Variants in CABIN1 observed in about 807,000 individuals in gnomAD.
CABIN1 encodes calcineurin binding protein 1.
In CABIN1, 133 loss-of-function variants were observed where a neutral mutation model predicts 227.7. The ratio of observed to expected loss-of-function variants is 0.58; its 90% CI spans 0.51 to 0.67. The LOEUF (loss-of-function observed/expected upper bound fraction) is 0.67. Ranked by LOEUF, CABIN1 falls within the 30% of genes least tolerant of loss-of-function variation. The pLI is 0.00. For missense variants in CABIN1, 2,408 were observed against 2,852.5 expected, an observed-to-expected ratio of 0.84 and a Z score of 3.55; for synonymous variants, 1,086 against 1,155.1, an observed-to-expected ratio of 0.94 and a Z score of 1.21.
chr22:24,120,106 C>T (rs2043316856), intron 28 of CABIN1, among the ~76,000 whole-genome samples: 1 of 152,196 alleles, frequency 6.6e-6, no homozygotes, highest in Non-Finnish European at 1.5e-5. Context: ...CCCTAGGGGC[C>T]CTGCTTACTC....
rs557348939 is a variant in CABIN1 at position 24,140,061 on chromosome 22, C to T, written c.4746+5646C>T. 2.0e-5 allele frequency among the ~76,000 whole-genome samples: 3 copies of T among 152,296 alleles called. No homozygotes were observed. The South Asian group carries it at 6.2e-4, about 32-fold the overall frequency. Reference sequence around the variant, plus strand: ...CCATGCAGGGTGGGGTGCTGCTCAGCCAGAAAGGGGGCAGGAGAGGAAGGC... The same window carrying T: ...CCATGCAGGGTGGGGTGCTGCTCAGTCAGAAAGGGGGCAGGAGAGGAAGGC... On this transcript the variant is annotated intron_variant, in intron 29 of 36. Coordinates refer to ENST00000263119, the MANE Select transcript of CABIN1 (RefSeq NM_012295.4).
chr22:24,087,771 C>T lies in CABIN1; in HGVS notation c.3525+58C>T, dbSNP rs1158068599. On this transcript the variant is annotated intron_variant, in intron 23 of 36. Transcript: ENST00000263119. ...TCCTTCTGTCCAGACAGAGTGCCCTCAGGTCAACGAAGCTCTGTCTCATTC... is the reference window on the plus strand; with the variant it reads ...TCCTTCTGTCCAGACAGAGTGCCCTTAGGTCAACGAAGCTCTGTCTCATTC... 5.0e-6 allele frequency: 8 copies of T among 1,601,896 alleles called. No individual in the cohort carries two copies. In the African/African-American group the frequency reaches 6.7e-5, roughly 13 times the overall value.
rs201376301 is a variant in CABIN1, at chr22:24,055,117, C to T, written c.1051C>T (p.Pro351Ser). Residue 351 changes from proline to serine, a missense_variant, in exon 9 of 37, where the codon CCA (proline) becomes TCA (serine). Coordinates refer to ENST00000263119, the MANE Select transcript of CABIN1 (RefSeq NM_012295.4). Reference sequence around the variant, plus strand: ...CACCTCTGTGGCTACAACCAGCTTCCCACTGCACAGTCCTGGTCTGTTGGA... The same window carrying T: ...CACCTCTGTGGCTACAACCAGCTTCTCACTGCACAGTCCTGGTCTGTTGGA... ...SYTSVATTSF[P>S]LHSPGLLETG... The T allele has an allele frequency of 4.3e-6, 7 of 1,613,882 alleles. No individual in the cohort carries two copies. In the East Asian group the frequency reaches 1.6e-4, roughly 36 times the overall value.
At position 24,119,454 on chromosome 22, in the gene CABIN1, C is replaced by T; in HGVS notation, c.4388C>T (p.Ser1463Phe). ...AAGCCTGCTGCAGAAACCCCAGCCT[C>T]TGCTTGCATCCCTGGCAAGCCCTCA... is the stretch of plus-strand genomic sequence containing the variant. The part of the protein sequence containing the change: ...VQKPAAETPA[S>F]ACIPGKPSAS... The change falls in exon 28 of 37, where the codon TCT (serine) becomes TTT (phenylalanine). Residue 1463 changes from serine to phenylalanine, a missense_variant. Ser to Phe is a radical substitution (Grantham distance 155). Around this residue, in one of 3 missense-constraint regions of CABIN1, gnomAD observed 649 missense variants for 910.3 expected, o/e 0.71. Coordinates refer to ENST00000263119, the MANE Select transcript of CABIN1 (RefSeq NM_012295.4). 1 of 1,614,178 alleles carries T rather than the reference C, an allele frequency of 6.2e-7. No individual in the cohort carries two copies. The highest frequency in any genetic ancestry group is 8.5e-7 in the Non-Finnish European group (1 of 1,180,036).
intron 29 of CABIN1, chr22:24,162,226 C>T (rs552440772): frequency 2.0e-5 from 3 of 152,430 alleles, no homozygotes; most frequent in Non-Finnish European, 4.4e-5. Flanking sequence ...GTATGTCCAT[C>T]TGCACACCGC....
At chr22:24,070,172 C>G (rs1338480444) in intron 16 of CABIN1, among the ~76,000 whole-genome samples, 1 of 152,166 alleles carries the variant, frequency 6.6e-6, no homozygotes, top group East Asian at 1.9e-4. Context: ...TTCCATGTGC[C>G]AGGCACTGTG....
chr22:24,091,852 A>C lies in CABIN1; in HGVS notation c.3786+9A>C, dbSNP rs746314612. On this transcript the variant is annotated intron_variant, in intron 24 of 36. Coordinates refer to ENST00000263119, the MANE Select transcript of CABIN1 (RefSeq NM_012295.4). ...CCATGGAGGCCCTGGAGGTGACACC[A>C]TGCTGGCCCAGGGCGGGGAAGCAGG... 3 of 1,612,234 alleles carry C rather than the reference A, an allele frequency of 1.9e-6. No individual in the cohort carries two copies. The East Asian group carries it at 6.7e-5, about 36-fold the overall frequency.
At chr22:24,168,332 G>C in intron 32 of CABIN1, 115 bp from the exon 33 acceptor site, 1 of 1,020,410 alleles carries the variant, frequency 9.8e-7, no homozygotes, top group African/African-American at 1.6e-5. Context: ...GGGGGCACCC[G>C]AGCCACAGGG....
At chr22:24,048,718 T>C (rs1057258998) in intron 6 of CABIN1, among the ~76,000 whole-genome samples, 2 of 152,218 alleles carry the variant, frequency 1.3e-5, no homozygotes, top group African/African-American at 4.8e-5. Flanking sequence ...TGTGCCTGGC[T>C]ATTTCCAGAT....
intron 10 of CABIN1, among the ~76,000 whole-genome samples, chr22:24,058,397 G>T (rs1446622119): frequency 6.6e-6 from 1 of 152,226 alleles, no homozygotes; most frequent in African/African-American, 2.4e-5. Context: ...CTGGGAGTGT[G>T]TGCAATACGT....
intron 29 of CABIN1, among the ~76,000 whole-genome samples, chr22:24,150,876 C>T (rs1469371906): frequency 1.3e-5 from 2 of 152,194 alleles, no homozygotes; most frequent in Non-Finnish European, 2.9e-5. Context: ...CATTCCCTCA[C>T]ATAAGGGGTG....
chr22:24,037,259 CAA>C (rs71184942), intron 3 of CABIN1, among the ~76,000 whole-genome samples: 10 of 52,620 alleles, frequency 1.9e-4, no homozygotes, highest in South Asian at 6.5e-4. Flanking sequence ...GACCCCGTCT[CAA>C]AAAAAAAAAA....
chr22:24,090,218 C>T (rs1006961655), intron 23 of CABIN1, among the ~76,000 whole-genome samples: 2 of 152,202 alleles, frequency 1.3e-5, no homozygotes, highest in African/African-American at 4.8e-5. Flanking sequence ...CAGATGCCAG[C>T]CCAGATGGGC....
At chr22:24,094,468 C>A (rs1157739820) in intron 24 of CABIN1, among the ~76,000 whole-genome samples, 1 of 152,206 alleles carries the variant, frequency 6.6e-6, no homozygotes, top group Non-Finnish European at 1.5e-5. Context: ...TTCCATGCAA[C>A]CATTGTAGCT....
chr22:24,119,279 C>G, intron 27 of CABIN1, 88 bp from the exon 28 acceptor site: 1 of 1,162,552 alleles, frequency 8.6e-7, no homozygotes. Flanking sequence ...GATCACTTCA[C>G]CAAGGCGCCT....
At chr22:24,162,337 T>A (rs2046204845) in intron 29 of CABIN1, 1 of 152,264 alleles carries the variant, frequency 6.6e-6, no homozygotes, top group Non-Finnish European at 1.5e-5. Flanking sequence ...TTCCCATGGC[T>A]GGTGGTGGGT....
At position 24,091,743 on chromosome 22, in the gene CABIN1, A is replaced by C; in HGVS notation, c.3686A>C (p.His1229Pro). 6.2e-7 allele frequency: 1 copy of C among 1,614,132 alleles called. No homozygotes were observed. ...QQQPPTVYLL[H>P]YRQAGHYLHE... ...CAGCCACCCACCGTTTACTTGCTGCACTACAGGCAGGCTGGCCACTACCTG... is the reference window on the plus strand; with the variant it reads ...CAGCCACCCACCGTTTACTTGCTGCCCTACAGGCAGGCTGGCCACTACCTG... Residue 1229 changes from histidine (H) to proline (P), a missense_variant, in exon 24 of 37, where the codon CAC (histidine) becomes CCC (proline). His to Pro is a moderately conservative substitution (Grantham distance 77, BLOSUM62 -2). Around this residue, in one of 3 missense-constraint regions of CABIN1, gnomAD observed 649 missense variants for 910.3 expected, o/e 0.71. Transcript: ENST00000263119.
Position 24,056,306 on chromosome 22 carries a change from A to G in CABIN1, c.1208A>G (p.Lys403Arg), listed in dbSNP as rs2038792057. The change falls in exon 10 of 37, where the codon AAA becomes AGA. Residue 403 changes from lysine (K) to arginine (R), a missense_variant. Lys to Arg is a conservative substitution (Grantham distance 26, BLOSUM62 2). This residue lies in a region of CABIN1 where 1,045 missense variants were observed against 1,168.4 expected (regional missense o/e 0.89). Transcript: ENST00000263119. ...GCCCGTGTCCGAAACACCAAGTGCA[A>G]AAAAGAAGAGAAAGTAGACTTCCAG... is the stretch of plus-strand genomic sequence containing the variant. ...RSARVRNTKC[K>R]KEEKVDFQEL... is the part of the protein sequence containing the mutation. 1 of 1,613,936 alleles carries G rather than the reference A, an allele frequency of 6.2e-7. No individual in the cohort carries two copies.
chr22:24,064,928 A>G (rs1320914002), intron 15 of CABIN1, among the ~76,000 whole-genome samples: 2 of 152,220 alleles, frequency 1.3e-5, no homozygotes, highest in South Asian at 2.1e-4. Flanking sequence ...TTCTACACAG[A>G]CACAGCAACC....
Sources: gnomAD v4.1 joint callset for allele counts (sites outside exome capture counted in the v4.1 genomes callset) on GRCh38, gnomAD v4.1.1 for gene constraint, gnomAD v4.1.1 regional missense constraint, MANE v1.5 for transcripts, NCBI Gene and HGNC (gene_info 2026-07-23, HGNC 2026-07-21) for gene names.